NRXN1: variants seen among roughly 807,000 people sequenced by gnomAD.
NRXN1 encodes neurexin 1, also known as neurexin-1.
NRXN1 carries 39 observed loss-of-function variants against 150.9 expected under a neutral mutation model. That is an observed-to-expected ratio of 0.26 (90% CI 0.20 to 0.34). The LOEUF is 0.34. Ranked by LOEUF, NRXN1 falls within the 10% of genes least tolerant of loss-of-function variation. The probability of loss-of-function intolerance (pLI) is 1.00; values close to 1 mark genes in which losing one functional copy is unlikely to be tolerated. For synonymous variants in NRXN1, 924 were observed against 757.0 expected, an observed-to-expected ratio of 1.22 and a Z score of -3.62; for missense variants, 1,815 against 1,949.9, an observed-to-expected ratio of 0.93 and a Z score of 1.30.
intron 17 of NRXN1, among the ~76,000 whole-genome samples, chr2:50,380,226 C>T (rs537308113): frequency 6.6e-6 from 1 of 151,926 alleles, no homozygotes; most frequent in East Asian, 1.9e-4. Flanking sequence ...GTACTGTGTG[C>T]AAATCTACTC....
At chr2:50,766,061 A>C (rs530771900) in intron 5 of NRXN1, among the ~76,000 whole-genome samples, 1 of 152,188 alleles carries the variant, frequency 6.6e-6, no homozygotes, top group African/African-American at 2.4e-5. Context: ...GCTCTCAAAC[A>C]ATCATGAAAC....
intron 19 of NRXN1, among the ~76,000 whole-genome samples, chr2:50,075,412 T>G (rs2152675566): frequency 6.6e-6 from 1 of 152,304 alleles, no homozygotes; most frequent in East Asian, 1.9e-4. Context: ...GTAAAAAGCC[T>G]TAGATCATTA....
chr2:50,263,320 T>C (rs1157734341), intron 17 of NRXN1, among the ~76,000 whole-genome samples: 1 of 151,998 alleles, frequency 6.6e-6, no homozygotes, highest in Admixed American at 6.6e-5. Flanking sequence ...TGTCCCATAC[T>C]GAAGCAGTAG....
At chr2:50,427,924 T>G (rs913579121) in intron 17 of NRXN1, among the ~76,000 whole-genome samples, 3 of 152,250 alleles carry the variant, frequency 2.0e-5, no homozygotes, top group Admixed American at 6.5e-5. Flanking sequence ...AAAGATCAAG[T>G]CTGAAAAATG....
intron 17 of NRXN1, among the ~76,000 whole-genome samples, chr2:50,448,519 T>G (rs1367632795): frequency 2.0e-5 from 3 of 152,182 alleles, no homozygotes; most frequent in Non-Finnish European, 4.4e-5. Context: ...CTAGGAAACG[T>G]GAAAGGAACA....
chr2:50,418,929 T>A (rs2083759143), intron 17 of NRXN1, among the ~76,000 whole-genome samples: 1 of 152,082 alleles, frequency 6.6e-6, no homozygotes, highest in Non-Finnish European at 1.5e-5. Flanking sequence ...AAAATCTTTT[T>A]TATTTTAAGC....
intron 21 of NRXN1, among the ~76,000 whole-genome samples, chr2:49,967,898 A>G (rs1015202839): frequency 7.9e-5 from 12 of 152,004 alleles, no homozygotes; most frequent in Admixed American, 6.6e-4. Flanking sequence ...TATTCAGTTT[A>G]ATGTTTTATA....
At chr2:50,788,605 C>A (rs536182268) in intron 5 of NRXN1, among the ~76,000 whole-genome samples, 1 of 149,256 alleles carries the variant, frequency 6.7e-6, no homozygotes. Context: ...GAGAGAGAGA[C>A]AGAGAGAGAG....
intron 5 of NRXN1, among the ~76,000 whole-genome samples, chr2:50,751,735 G>T (rs561946136): frequency 6.6e-6 from 1 of 151,892 alleles, no homozygotes; most frequent in Non-Finnish European, 1.5e-5. Context: ...CTTACCCATG[G>T]CCAGGAAGAA....
chr2:50,912,379 T>C (rs1253502611), intron 5 of NRXN1: 1 of 151,934 alleles, frequency 6.6e-6, no homozygotes, highest in Non-Finnish European at 1.5e-5. Context: ...GGGTTACATA[T>C]TGCATGTGAT....
At chr2:50,697,801 C>A (rs578173201) in intron 5 of NRXN1, among the ~76,000 whole-genome samples, 1 of 152,268 alleles carries the variant, frequency 6.6e-6, no homozygotes, top group South Asian at 2.1e-4. Flanking sequence ...CATTTTCTTT[C>A]TTTTCTCTGC....
At chr2:50,069,941 C>T (rs1695979654) in intron 19 of NRXN1, among the ~76,000 whole-genome samples, 1 of 151,070 alleles carries the variant, frequency 6.6e-6, no homozygotes, top group Non-Finnish European at 1.5e-5. Flanking sequence ...AGCTCCACCT[C>T]CCGAGTTCAT....
At chr2:50,025,692 C>T (rs1438758067) in intron 21 of NRXN1, among the ~76,000 whole-genome samples, 1 of 152,072 alleles carries the variant, frequency 6.6e-6, no homozygotes, top group Admixed American at 6.6e-5. Flanking sequence ...ATCTATAGTG[C>T]CAGGAATGTT....
At chr2:50,569,633 T>C (rs1670367046) in intron 8 of NRXN1, among the ~76,000 whole-genome samples, 1 of 152,074 alleles carries the variant, frequency 6.6e-6, no homozygotes, top group African/African-American at 2.4e-5. Context: ...CTGCAATCCA[T>C]CTCTGATATT....
chr2:50,516,994 C>T (rs571683291), intron 12 of NRXN1, among the ~76,000 whole-genome samples: 8 of 152,234 alleles, frequency 5.3e-5, no homozygotes, highest in African/African-American at 1.9e-4. Context: ...AACTATATTG[C>T]ATTTATTTTT....
At chr2:50,220,682 G>C (rs569581664) in intron 18 of NRXN1, among the ~76,000 whole-genome samples, 1 of 152,056 alleles carries the variant, frequency 6.6e-6, no homozygotes, top group East Asian at 1.9e-4. Context: ...ACGTCTTTTT[G>C]TGAATACCAA....
intron 5 of NRXN1, among the ~76,000 whole-genome samples, chr2:50,732,337 A>G (rs1484746403): frequency 1.3e-5 from 2 of 152,148 alleles, no homozygotes; most frequent in African/African-American, 4.8e-5. Context: ...TTCTCAGCCA[A>G]CAATTGAGAA....
chr2:50,931,228 A>AT (rs1289528057), intron 2 of NRXN1, among the ~76,000 whole-genome samples: 3 of 151,838 alleles, frequency 2.0e-5, no homozygotes, highest in South Asian at 4.2e-4. Context: ...TTTTTTCACC[A>AT]TTTTTTTTCA....
At chr2:50,439,631 C>T (rs1035373017) in intron 17 of NRXN1, among the ~76,000 whole-genome samples, 4 of 151,856 alleles carry the variant, frequency 2.6e-5, no homozygotes, top group Non-Finnish European at 5.9e-5. Flanking sequence ...ACGGTGAAAA[C>T]CCATCTCTAC....
Sources: allele counts gnomAD v4.1 joint callset (sites outside exome capture counted in the v4.1 genomes callset), GRCh38; gene constraint gnomAD v4.1.1; transcripts MANE v1.5; gene names NCBI Gene and HGNC (gene_info 2026-07-23, HGNC 2026-07-21).